The following CLYBL variants were observed in gnomAD, a reference collection of about 807,000 sequenced individuals.
CLYBL encodes citramalyl-CoA lyase.
Under a neutral mutation model 38.9 loss-of-function variants are expected in CLYBL, and 31 were observed. The ratio of observed to expected loss-of-function variants is 0.80; its 90% CI spans 0.60 to 1.08. CLYBL has a LOEUF of 1.08. Among genes scored for constraint, CLYBL ranks in the 50% least tolerant of loss-of-function variants. CLYBL has a pLI of 0.00. For synonymous variants in CLYBL, 171 were observed against 158.6 expected (o/e 1.08, Z -0.59); for missense variants, 434 against 411.6 (o/e 1.05, Z -0.47).
Position 99,704,441 on chromosome 13 carries a change from T to C in CLYBL, c.63-68383T>C, listed in dbSNP as rs117268731. Among the ~76,000 whole-genome samples the C allele has an allele frequency of 2.0e-4, 30 of 152,354 alleles. No homozygotes were observed. In the East Asian group the frequency reaches 4.2e-3, roughly 22 times the overall value. Reference sequence around the variant, plus strand: ...TATAAAATAGCCCAGTTGCCATAGGTTGATTTCCTGTAAACCTAAATCATG... The same window carrying C: ...TATAAAATAGCCCAGTTGCCATAGGCTGATTTCCTGTAAACCTAAATCATG... On this transcript the variant is annotated intron_variant, in intron 1 of 8. Coordinates refer to ENST00000339105, the MANE Select transcript of CLYBL (RefSeq NM_206808.5).
chr13:99,706,466 G>T (rs1009646161), intron 1 of CLYBL, among the ~76,000 whole-genome samples: 4 of 152,182 alleles, frequency 2.6e-5, no homozygotes, highest in African/African-American at 9.7e-5. Context: ...CGGTGGCTGT[G>T]CTATGGTGGA....
rs572127650 is a variant in CLYBL, at chr13:99,891,449, A to G, written c.*24+12A>G. On this transcript the variant is annotated intron_variant, in intron 8 of 8. Coordinates refer to ENST00000339105, the MANE Select transcript of CLYBL (RefSeq NM_206808.5). Reference sequence around the variant, plus strand: ...GAAGCTGTCATCAGGTGGGCTGAACATATACAGTGGGGTTCTTAAAGACAA... The same window carrying G: ...GAAGCTGTCATCAGGTGGGCTGAACGTATACAGTGGGGTTCTTAAAGACAA... 4.1e-6 allele frequency: 6 copies of G among 1,470,218 alleles called. No homozygotes were observed. The highest frequency in any genetic ancestry group is 3.3e-5 in the Admixed American group (2 of 59,826). The allele number at this position is 1,470,218 out of a possible 1,614,324, so 91.1% of individuals were successfully genotyped here. A position where few individuals can be genotyped will look rare whatever the true frequency, so the allele number is the denominator to read the frequency against.
intron 1 of CLYBL, among the ~76,000 whole-genome samples, chr13:99,658,080 G>A (rs1376510424): frequency 6.6e-6 from 1 of 152,202 alleles, no homozygotes; most frequent in Non-Finnish European, 1.5e-5. Flanking sequence ...CTGCAGCAGT[G>A]GGGCACAGGG....
At chr13:99,660,338 C>G (rs2047391177) in intron 1 of CLYBL, among the ~76,000 whole-genome samples, 1 of 152,196 alleles carries the variant, frequency 6.6e-6, no homozygotes, top group Non-Finnish European at 1.5e-5. Flanking sequence ...GGTCATCCTT[C>G]AGGGTAACTG....
At chr13:99,647,847 G>C (rs1404539700) in intron 1 of CLYBL, among the ~76,000 whole-genome samples, 1 of 152,196 alleles carries the variant, frequency 6.6e-6, no homozygotes, top group Non-Finnish European at 1.5e-5. Flanking sequence ...GACACTAGCA[G>C]TATGGGTGCC....
At chr13:99,761,727 T>C (rs1234995738) in intron 1 of CLYBL, among the ~76,000 whole-genome samples, 2 of 152,220 alleles carry the variant, frequency 1.3e-5, no homozygotes, top group Non-Finnish European at 2.9e-5. Flanking sequence ...CTTTTTAGTT[T>C]CTTTGAGGAA....
In CLYBL at chr13:99,606,766, A is replaced by G. The variant is rs766951381; in HGVS notation, c.62+9A>G. On this transcript the variant is annotated intron_variant, in intron 1 of 8. Transcript: ENST00000339105. ...GCGGCGCTGCTGAGGCTGTGAGTGC[A>G]GGTCCCCGTTCCCCGCCTTCCCGGC... 8.4e-6 allele frequency: 12 copies of G among 1,434,638 alleles called. No individual in the cohort carries two copies. The highest frequency in any genetic ancestry group is 8.2e-5 in the Admixed American group (3 of 36,772). 88.9% of individuals were successfully genotyped at this position (1,434,638 alleles called of 1,614,324 possible). A position where few individuals can be genotyped will look rare whatever the true frequency, so the allele number is the denominator to read the frequency against.
intron 1 of CLYBL, among the ~76,000 whole-genome samples, chr13:99,661,483 A>G (rs1351060874): frequency 2.6e-5 from 4 of 152,214 alleles, no homozygotes; most frequent in African/African-American, 9.6e-5. Context: ...TTCACTCTAA[A>G]TGTCTTTTTA....
intron 2 of CLYBL, among the ~76,000 whole-genome samples, chr13:99,836,634 T>C (rs1001786433): frequency 1.3e-5 from 2 of 152,236 alleles, no homozygotes; most frequent in African/African-American, 2.4e-5. Flanking sequence ...TTAAAATACT[T>C]ATATGCACTT....
chr13:99,687,683 AG>A (rs1353547347), intron 1 of CLYBL, among the ~76,000 whole-genome samples: 1 of 152,240 alleles, frequency 6.6e-6, no homozygotes. Context: ...AATGTTTTGC[AG>A]TGTGAGAAGA....
At chr13:99,773,241 G>A (rs983242748) in intron 2 of CLYBL, among the ~76,000 whole-genome samples, 1 of 152,202 alleles carries the variant, frequency 6.6e-6, no homozygotes, top group Non-Finnish European at 1.5e-5. Context: ...CAGTAGATGA[G>A]ACTATGTGTA....
chr13:99,810,772 G>C (rs1053415404), intron 2 of CLYBL, among the ~76,000 whole-genome samples: 1 of 152,134 alleles, frequency 6.6e-6, no homozygotes, highest in African/African-American at 2.4e-5. Flanking sequence ...GAAGAGTGGA[G>C]GGTGATGAGG....
At chr13:99,691,251 G>A (rs900239874) in intron 1 of CLYBL, among the ~76,000 whole-genome samples, 26 of 152,238 alleles carry the variant, frequency 1.7e-4, no homozygotes, top group African/African-American at 6.3e-4. Context: ...TTGATCTAAA[G>A]AACATGTTTT....
intron 1 of CLYBL, among the ~76,000 whole-genome samples, chr13:99,653,321 T>C (rs2047282112): frequency 6.6e-6 from 1 of 151,818 alleles, no homozygotes; most frequent in Non-Finnish European, 1.5e-5. Flanking sequence ...AGCAGGCCAC[T>C]GCTAAGGAAT....
At chr13:99,863,310 C>T (rs1186409763) in intron 4 of CLYBL, among the ~76,000 whole-genome samples, 1 of 152,172 alleles carries the variant, frequency 6.6e-6, no homozygotes, top group East Asian at 1.9e-4. Context: ...AAAAGCTTCC[C>T]AGTCCAAAAT....
At chr13:99,776,103 G>A (rs1222020858) in intron 2 of CLYBL, among the ~76,000 whole-genome samples, 31 of 151,256 alleles carry the variant, frequency 2.0e-4, no homozygotes, top group African/African-American at 7.5e-4. Context: ...GGCAGAGCTT[G>A]CAGTGAGCCG....
At chr13:99,905,892 C>T (rs1222590621) in intron 9 of CLYBL, among the ~76,000 whole-genome samples, 1 of 151,926 alleles carries the variant, frequency 6.6e-6, no homozygotes, top group African/African-American at 2.4e-5. Flanking sequence ...CAGCCAGGAC[C>T]CCACCCAAGT....
intron 2 of CLYBL, among the ~76,000 whole-genome samples, chr13:99,780,928 G>A (rs546249177): frequency 6.8e-6 from 1 of 146,462 alleles, no homozygotes; most frequent in African/African-American, 2.5e-5. Flanking sequence ...TGGCCAGTCT[G>A]GTCTCGAACT....
At chr13:99,679,066 G>A (rs887270049) in intron 1 of CLYBL, among the ~76,000 whole-genome samples, 11 of 152,002 alleles carry the variant, frequency 7.2e-5, no homozygotes, top group South Asian at 4.2e-4. Flanking sequence ...AGGCCGAGGC[G>A]GGCAGATCAC....
Sources: gnomAD v4.1 joint callset for allele counts (sites outside exome capture counted in the v4.1 genomes callset) on GRCh38, gnomAD v4.1.1 for gene constraint, MANE v1.5 for transcripts, NCBI Gene and HGNC (gene_info 2026-07-23, HGNC 2026-07-21) for gene names.